COMMD10: variants seen among roughly 807,000 people sequenced by gnomAD.
The protein encoded by COMMD10 is COMM domain-containing protein 10.
Under a neutral mutation model 28.9 loss-of-function variants are expected in COMMD10, and 33 were observed. The ratio of observed to expected loss-of-function variants is 1.14; its 90% CI spans 0.87 to 1.53. The LOEUF (loss-of-function observed/expected upper bound fraction) is 1.53, where lower values mean the gene tolerates loss of function less well. Among genes scored for constraint, COMMD10 ranks in the 40% most tolerant of loss-of-function variants. The pLI, the probability that COMMD10 is intolerant of heterozygous loss-of-function variation, is 0.00. For missense variants in COMMD10, 310 were observed against 233.4 expected, an observed-to-expected ratio of 1.33 and a Z score of -2.14; for synonymous variants, 110 against 81.7, an observed-to-expected ratio of 1.35 and a Z score of -1.87.
rs540836674 is a variant in COMMD10, at chr5:116,291,452, G to C, written c.511-65G>C. On this transcript the variant is annotated intron_variant, in intron 5 of 6. Coordinates refer to ENST00000274458, the MANE Select transcript of COMMD10 (RefSeq NM_016144.4). ...TTATGTCATATTCTGAGGTTAGCTG[G>C]AGAGAAAAAATGTGATGTAAATTGT... 52 of 1,127,424 alleles carry C rather than the reference G, an allele frequency of 4.6e-5. No homozygotes were observed. In the East Asian group the frequency reaches 1.2e-3, roughly 25 times the overall value. 69.8% of individuals were successfully genotyped at this position (1,127,424 alleles called of 1,614,324 possible). A position where few individuals can be genotyped will look rare whatever the true frequency, so the allele number is the denominator to read the frequency against.
intron 5 of COMMD10, among the ~76,000 whole-genome samples, chr5:116,173,601 T>C (rs1242842501): frequency 1.3e-5 from 2 of 152,148 alleles, no homozygotes; most frequent in Non-Finnish European, 2.9e-5. Flanking sequence ...CCATTCACTT[T>C]TGGTAGCTTT....
At position 116,087,827 on chromosome 5, in the gene COMMD10, A is replaced by G. The variant is rs1750158913; in HGVS notation, c.132+240A>G. On this transcript the variant is annotated intron_variant, in intron 2 of 6. Coordinates refer to ENST00000274458, the MANE Select transcript of COMMD10 (RefSeq NM_016144.4). ...TATTTTATATGCTAGTGTTTGTGGT[A>G]TGTATTCGAGGGTGATTATGGCAGG... 4.6e-5 allele frequency among the ~76,000 whole-genome samples: 7 copies of G among 152,310 alleles called. No homozygotes were observed. The South Asian group carries it at 1.4e-3, about 32-fold the overall frequency.
chr5:116,123,022 G>A (rs867332385), intron 4 of COMMD10, among the ~76,000 whole-genome samples: 6 of 152,262 alleles, frequency 3.9e-5, no homozygotes, highest in African/African-American at 1.2e-4. Context: ...ATGTTGAATA[G>A]GAGTGGTGAG....
At chr5:116,162,597 T>C (rs762433155) in intron 5 of COMMD10, among the ~76,000 whole-genome samples, 2 of 152,224 alleles carry the variant, frequency 1.3e-5, no homozygotes, top group Non-Finnish European at 2.9e-5. Flanking sequence ...TTATCATTTA[T>C]CATTCTCTAT....
chr5:116,227,381 T>C (rs1749419576), intron 5 of COMMD10, among the ~76,000 whole-genome samples: 1 of 152,098 alleles, frequency 6.6e-6, no homozygotes, highest in Non-Finnish European at 1.5e-5. Flanking sequence ...TTATTCTCCA[T>C]CAGTTCATTT....
At chr5:116,095,908 C>T (rs940715972) in intron 4 of COMMD10, among the ~76,000 whole-genome samples, 1 of 151,992 alleles carries the variant, frequency 6.6e-6, no homozygotes, top group East Asian at 1.9e-4. Flanking sequence ...ATGTGTTTGT[C>T]TAAAATCATT....
In COMMD10 at chr5:116,104,383, C is replaced by T. The variant is rs1416664337; in HGVS notation, c.399+11683C>T. Among the ~76,000 whole-genome samples, 2 of 152,032 alleles carry T rather than the reference C, an allele frequency of 1.3e-5. 1 individual carries two copies. Among genetic ancestry groups the T allele is most frequent in the East Asian group, 3.9e-4 (2 of 5,172 alleles). ...TTCAAATCCCTTGTAAGTTGGATTC[C>T]TAGGTATTGTATCCTTTTTGTAGCA... On this transcript the variant is annotated intron_variant, in intron 4 of 6. Transcript: ENST00000274458.
chr5:116,167,202 C>T (rs1753151383), intron 5 of COMMD10, among the ~76,000 whole-genome samples: 1 of 151,686 alleles, frequency 6.6e-6, no homozygotes, highest in Non-Finnish European at 1.5e-5. Context: ...TTCATGCAGC[C>T]TACACAAGTG....
intron 5 of COMMD10, among the ~76,000 whole-genome samples, chr5:116,262,379 A>G (rs1750471701): frequency 6.6e-6 from 1 of 151,788 alleles, no homozygotes; most frequent in Non-Finnish European, 1.5e-5. Context: ...GAGAGCAGTC[A>G]TTAATGGCTC....
intron 4 of COMMD10, among the ~76,000 whole-genome samples, chr5:116,095,239 C>T (rs374024349): frequency 6.6e-6 from 1 of 152,114 alleles, no homozygotes; most frequent in South Asian, 2.1e-4. Flanking sequence ...AATACCCTGA[C>T]ATGATCATTA....
intron 4 of COMMD10, among the ~76,000 whole-genome samples, chr5:116,126,596 A>AACAGAG (rs1751651221): frequency 3.3e-5 from 5 of 151,358 alleles, no homozygotes; most frequent in African/African-American, 1.2e-4. Flanking sequence ...AATGGAACAG[A>AACAGAG]GTACAGCCCT....
chr5:116,160,867 A>G (rs940278234), intron 5 of COMMD10, among the ~76,000 whole-genome samples: 3 of 152,104 alleles, frequency 2.0e-5, no homozygotes, highest in African/African-American at 2.4e-5. Context: ...ATTCAGTACA[A>G]TTGTTCTCCC....
chr5:116,279,343 T>C (rs995317640), intron 5 of COMMD10, among the ~76,000 whole-genome samples: 1 of 151,920 alleles, frequency 6.6e-6, no homozygotes, highest in African/African-American at 2.4e-5. Context: ...TTTTCAAAAA[T>C]TAAAAGTTAT....
intron 4 of COMMD10, among the ~76,000 whole-genome samples, chr5:116,100,163 A>G (rs941024436): frequency 1.3e-5 from 2 of 152,054 alleles, no homozygotes; most frequent in Non-Finnish European, 2.9e-5. Flanking sequence ...GAGTTCAAAG[A>G]GTTTCAGATT....
intron 4 of COMMD10, 30 bp from the exon 5 acceptor site, chr5:116,134,038 C>A (rs112941042): frequency 1.2e-5 from 15 of 1,237,142 alleles, no homozygotes. Flanking sequence ...TCTGTACCAT[C>A]TGATTCCAAT....
At chr5:116,156,752 G>A (rs183354276) in intron 5 of COMMD10, among the ~76,000 whole-genome samples, 1 of 151,992 alleles carries the variant, frequency 6.6e-6, no homozygotes, top group Non-Finnish European at 1.5e-5. Flanking sequence ...CATTAACAAA[G>A]GGTTTTGTAG....
chr5:116,249,540 G>C (rs750430130), intron 5 of COMMD10, among the ~76,000 whole-genome samples: 1 of 151,844 alleles, frequency 6.6e-6, no homozygotes, highest in African/African-American at 2.4e-5. Flanking sequence ...ATTGACTAGA[G>C]AATTCAAAAA....
At chr5:116,261,910 T>A (rs922018503) in intron 5 of COMMD10, among the ~76,000 whole-genome samples, 1 of 151,830 alleles carries the variant, frequency 6.6e-6, no homozygotes, top group Admixed American at 6.6e-5. Flanking sequence ...ATAATAATAA[T>A]TAGCTAATTT....
At chr5:116,108,219 G>A (rs1750907812) in intron 4 of COMMD10, among the ~76,000 whole-genome samples, 1 of 152,210 alleles carries the variant, frequency 6.6e-6, no homozygotes, top group Non-Finnish European at 1.5e-5. Context: ...GAGATCCACT[G>A]CTCTCTCCAG....
Sources: gnomAD v4.1 joint callset for allele counts (sites outside exome capture counted in the v4.1 genomes callset) on GRCh38, gnomAD v4.1.1 for gene constraint, MANE v1.5 for transcripts, NCBI Gene and HGNC (gene_info 2026-07-23, HGNC 2026-07-21) for gene names.